The following CMIP variants were observed in gnomAD, a reference collection of about 807,000 sequenced individuals.
The protein encoded by CMIP is C-Maf-inducing protein.
In CMIP, 13 loss-of-function variants were observed where a neutral mutation model predicts 97.3. The observed-to-expected ratio is 0.13, with a 90% CI of 0.09 to 0.21. The LOEUF (loss-of-function observed/expected upper bound fraction) is 0.21, where lower values mean the gene tolerates loss of function less well. Ranked by LOEUF, CMIP falls within the 10% of genes least tolerant of loss-of-function variation. The pLI, the probability that CMIP is intolerant of heterozygous loss-of-function variation, is 1.00. For missense variants in CMIP, 847 were observed against 1,024.9 expected (o/e 0.83, Z 2.37); for synonymous variants, 538 against 436.3 (o/e 1.23, Z -2.91).
intron 1 of CMIP, among the ~76,000 whole-genome samples, chr16:81,600,937 C>T (rs943583658): frequency 1.3e-5 from 2 of 152,114 alleles, no homozygotes; most frequent in African/African-American, 4.8e-5. Flanking sequence ...CCTTTGGGGC[C>T]CCAGGGTGTG....
At chr16:81,694,953 C>T (rs1330150880) in intron 13 of CMIP, among the ~76,000 whole-genome samples, 2 of 152,222 alleles carry the variant, frequency 1.3e-5, no homozygotes, top group South Asian at 4.1e-4. Flanking sequence ...TAAGTCTTTC[C>T]TTGCCACCTG....
intron 11 of CMIP, among the ~76,000 whole-genome samples, chr16:81,692,917 A>C (rs1228518836): frequency 6.6e-6 from 1 of 152,186 alleles, no homozygotes; most frequent in Non-Finnish European, 1.5e-5. Context: ...GTGTGGGCAC[A>C]GGGAACTTTC....
At chr16:81,605,603 C>T (rs998710918) in intron 1 of CMIP, among the ~76,000 whole-genome samples, 2 of 152,226 alleles carry the variant, frequency 1.3e-5, no homozygotes, top group Non-Finnish European at 2.9e-5. Context: ...TTACCCAGCC[C>T]TCCCTCCGTT....
chr16:81,664,499 C>T (rs2092582244), intron 7 of CMIP, 150 bp downstream of exon 7: 1 of 663,028 alleles, frequency 1.5e-6, no homozygotes, highest in Non-Finnish European at 2.5e-6. Context: ...TGGTTAAGGA[C>T]TTTTGGGGGT....
At chr16:81,463,033 C>G (rs1245556620) in intron 1 of CMIP, among the ~76,000 whole-genome samples, 1 of 151,942 alleles carries the variant, frequency 6.6e-6, no homozygotes, top group Non-Finnish European at 1.5e-5. Flanking sequence ...GGATCCTTTA[C>G]TGAGTCTCTA....
chr16:81,525,646 A>G (rs2090117057), intron 1 of CMIP, among the ~76,000 whole-genome samples: 1 of 152,164 alleles, frequency 6.6e-6, no homozygotes, highest in African/African-American at 2.4e-5. Flanking sequence ...CTAGCCAATC[A>G]TTTTTAAATG....
At chr16:81,573,233 G>C (rs528883944) in intron 1 of CMIP, among the ~76,000 whole-genome samples, 1 of 151,994 alleles carries the variant, frequency 6.6e-6, no homozygotes, top group African/African-American at 2.4e-5. Context: ...AATACCAACT[G>C]TTCGGGAGGG....
chr16:81,675,876 C>G (rs1904299803), intron 9 of CMIP, among the ~76,000 whole-genome samples: 1 of 152,228 alleles, frequency 6.6e-6, no homozygotes, highest in African/African-American at 2.4e-5. Flanking sequence ...GGGCCTGAGA[C>G]TCTGCTTGTC....
intron 1 of CMIP, among the ~76,000 whole-genome samples, chr16:81,497,024 A>G (rs1238934410): frequency 6.6e-6 from 1 of 152,156 alleles, no homozygotes; most frequent in Non-Finnish European, 1.5e-5. Flanking sequence ...TGGGCCTCGT[A>G]AGGGGTGTCC....
chr16:81,497,370 G>A (rs930397499), intron 1 of CMIP, among the ~76,000 whole-genome samples: 4 of 152,124 alleles, frequency 2.6e-5, no homozygotes, highest in Admixed American at 6.5e-5. Context: ...AAGAACTTGG[G>A]GCTCAGTGAG....
chr16:81,671,090 A>C (rs1275376469), intron 8 of CMIP, among the ~76,000 whole-genome samples: 1 of 152,100 alleles, frequency 6.6e-6, no homozygotes, highest in African/African-American at 2.4e-5. Flanking sequence ...CGGCCTCCCA[A>C]AGTGCTGGGA....
At chr16:81,527,556 T>C (rs1056187018) in intron 1 of CMIP, among the ~76,000 whole-genome samples, 2 of 152,224 alleles carry the variant, frequency 1.3e-5, no homozygotes, top group African/African-American at 4.8e-5. Flanking sequence ...CAGTTGGATT[T>C]TGTTTCTACC....
intron 1 of CMIP, among the ~76,000 whole-genome samples, chr16:81,454,943 G>A (rs1482869075): frequency 1.3e-5 from 2 of 152,318 alleles, no homozygotes; most frequent in South Asian, 2.1e-4. Context: ...GTGAGCAAAG[G>A]GACAGGCCAG....
At chr16:81,598,281 C>G (rs1258154766) in intron 1 of CMIP, among the ~76,000 whole-genome samples, 1 of 152,090 alleles carries the variant, frequency 6.6e-6, no homozygotes, top group African/African-American at 2.4e-5. Context: ...GAGGGTATCG[C>G]CTACAACAGA....
At chr16:81,704,526 C>T (rs570171775) in intron 18 of CMIP, among the ~76,000 whole-genome samples, 49 of 3,130 alleles carry the variant, frequency 0.016, no homozygotes, top group Non-Finnish European at 0.025. Context: ...TCCCCTCACC[C>T]TCCTCCCTGC....
chr16:81,559,766 A>G (rs1416881274), intron 1 of CMIP, among the ~76,000 whole-genome samples: 3 of 152,270 alleles, frequency 2.0e-5, no homozygotes, highest in African/African-American at 7.2e-5. Context: ...TGTACATTTT[A>G]TTGTTATTTT....
intron 1 of CMIP, chr16:81,603,464 A>G: frequency 2.2e-6 from 1 of 454,518 alleles, no homozygotes; most frequent in Non-Finnish European, 4.4e-6. Context: ...CAGAGTTCTC[A>G]CACATCCGCA....
At chr16:81,708,306 A>C (rs1306697597) in intron 20 of CMIP, among the ~76,000 whole-genome samples, 1 of 152,170 alleles carries the variant, frequency 6.6e-6, no homozygotes, top group East Asian at 1.9e-4. Flanking sequence ...CCTCGGCACC[A>C]CTCGGGGGCC....
chr16:81,539,142 C>A (rs1265217576), intron 1 of CMIP, among the ~76,000 whole-genome samples: 1 of 152,166 alleles, frequency 6.6e-6, no homozygotes, highest in African/African-American at 2.4e-5. Context: ...CCTTTTGTGA[C>A]GCAGAATCTT....
Sources: allele counts gnomAD v4.1 joint callset (sites outside exome capture counted in the v4.1 genomes callset), GRCh38; gene constraint gnomAD v4.1.1; transcripts MANE v1.5; gene names NCBI Gene and HGNC (gene_info 2026-07-23, HGNC 2026-07-21).